Variants in SNTG1 observed in about 807,000 individuals in gnomAD.
SNTG1 encodes the protein gamma-1-syntrophin.
Under a neutral mutation model 74.7 loss-of-function variants are expected in SNTG1, and 39 were observed. That is an observed-to-expected ratio of 0.52 (90% CI 0.40 to 0.68). The LOEUF (loss-of-function observed/expected upper bound fraction) is 0.68. Among genes scored for constraint, SNTG1 ranks in the 30% least tolerant of loss-of-function variants. SNTG1 has a pLI of 0.00. For missense variants in SNTG1, 685 were observed against 609.5 expected, an observed-to-expected ratio of 1.12 and a Z score of -1.30; for synonymous variants, 254 against 217.1, an observed-to-expected ratio of 1.17 and a Z score of -1.49.
At chr8:50,018,035 A>C (rs1816492545) in intron 1 of SNTG1, among the ~76,000 whole-genome samples, 1 of 151,992 alleles carries the variant, frequency 6.6e-6, no homozygotes. Context: ...AAATAAATAG[A>C]CAGAAAATCC....
intron 2 of SNTG1, among the ~76,000 whole-genome samples, chr8:50,393,602 T>C (rs2092690491): frequency 6.6e-6 from 1 of 152,338 alleles, no homozygotes; most frequent in East Asian, 1.9e-4. Flanking sequence ...TATTTAAATC[T>C]ACATTCATCA....
intron 1 of SNTG1, among the ~76,000 whole-genome samples, chr8:49,943,629 T>C (rs1308949198): frequency 6.6e-6 from 1 of 152,256 alleles, no homozygotes; most frequent in African/African-American, 2.4e-5. Flanking sequence ...TCCTTGCCCT[T>C]CTGGCCCTAT....
intron 1 of SNTG1, among the ~76,000 whole-genome samples, chr8:50,044,180 C>T (rs190664702): frequency 6.6e-6 from 1 of 152,156 alleles, no homozygotes. Flanking sequence ...CAATTTTAAG[C>T]AAGTTAAATG....
At chr8:50,098,763 T>C (rs187221441) in intron 1 of SNTG1, among the ~76,000 whole-genome samples, 135 of 152,314 alleles carry the variant, frequency 8.9e-4, no homozygotes, top group Non-Finnish European at 1.6e-3. Flanking sequence ...CATATAATTT[T>C]GCAAGTGATT....
At chr8:49,973,765 AG>A (rs1235092570) in intron 1 of SNTG1, among the ~76,000 whole-genome samples, 5 of 152,234 alleles carry the variant, frequency 3.3e-5, no homozygotes, top group Admixed American at 3.3e-4. Flanking sequence ...AGGTCAAGAA[AG>A]GAATATTTGG....
At chr8:50,313,073 C>A (rs1348396633) in intron 2 of SNTG1, among the ~76,000 whole-genome samples, 1 of 149,734 alleles carries the variant, frequency 6.7e-6, no homozygotes, top group African/African-American at 2.5e-5. Context: ...AAAGGACAGT[C>A]TCTGCAATAG....
Position 50,649,075 on chromosome 8 carries a change from G to A in SNTG1, c.850-7834G>A, listed in dbSNP as rs926180942. On this transcript the variant is annotated intron_variant, in intron 13 of 18. Transcript: ENST00000642720. ...TAATAATTGTACTTACTCTATACTC[G>A]TACTATAACACAGCATGTTACTGTA... Among the ~76,000 whole-genome samples, 4 of 151,840 alleles carry A rather than the reference G, an allele frequency of 2.6e-5. 1 individual carries two copies. Among genetic ancestry groups the A allele is most frequent in the South Asian group, 2.1e-4 (1 of 4,820 alleles).
At chr8:50,096,982 T>G (rs906657539) in intron 1 of SNTG1, among the ~76,000 whole-genome samples, 1 of 152,070 alleles carries the variant, frequency 6.6e-6, no homozygotes, top group African/African-American at 2.4e-5. Flanking sequence ...ATTATTATTA[T>G]TTTTTGAGAT....
chr8:50,178,089 C>G (rs150842540), intron 2 of SNTG1, among the ~76,000 whole-genome samples: 2 of 152,020 alleles, frequency 1.3e-5, no homozygotes, highest in East Asian at 3.9e-4. Context: ...TGGTATACTC[C>G]GATTTATTTA....
Position 50,253,904 on chromosome 8 carries a change from AG to A in SNTG1, c.-28+81272del, listed in dbSNP as rs138870738. The stretch of plus-strand genomic sequence containing the variant: ...AAGCAGGGAGTAAAGCGAGGGGAGT[AG>A]GGAGGGAAAGATGGAGAGAGGTTGG... On this transcript the variant is annotated intron_variant, in intron 2 of 18. Coordinates refer to ENST00000642720, the MANE Select transcript of SNTG1 (RefSeq NM_018967.5). Among the ~76,000 whole-genome samples, 432 of 152,142 alleles carry A rather than the reference AG, an allele frequency of 2.8e-3. 9 individuals are homozygous for A. In the East Asian group the frequency reaches 0.05, roughly 17 times the overall value.
At chr8:50,456,248 C>A (rs200822118) in intron 8 of SNTG1, among the ~76,000 whole-genome samples, 1 of 152,152 alleles carries the variant, frequency 6.6e-6, no homozygotes, top group African/African-American at 2.4e-5. Context: ...CTTATCAAAT[C>A]TTTATTTGTC....
intron 1 of SNTG1, among the ~76,000 whole-genome samples, chr8:50,106,096 C>G (rs1169460538): frequency 2.0e-5 from 3 of 152,104 alleles, no homozygotes; most frequent in African/African-American, 7.2e-5. Flanking sequence ...CTATAAATAA[C>G]TACCTGGGAC....
chr8:50,513,081 C>T lies in SNTG1; in HGVS notation c.466+10201C>T, dbSNP rs191256398. On this transcript the variant is annotated intron_variant, in intron 9 of 18. Coordinates refer to ENST00000642720, the MANE Select transcript of SNTG1 (RefSeq NM_018967.5). ...TTTGGTCTTTGATGATGGTGATGTA[C>T]AGATGGGGTTTTGGTGTGGATGTCC... is the stretch of plus-strand genomic sequence containing the variant. 1.5e-3 allele frequency among the ~76,000 whole-genome samples: 234 copies of T among 152,220 alleles called. 1 individual carries two copies. The highest frequency in any genetic ancestry group is 5.4e-3 in the African/African-American group (225 of 41,534).
intron 1 of SNTG1, among the ~76,000 whole-genome samples, chr8:50,009,815 T>A (rs1256452663): frequency 6.6e-6 from 1 of 152,096 alleles, no homozygotes; most frequent in African/African-American, 2.4e-5. Context: ...CTGGGAAACA[T>A]GGCAAAACCC....
At chr8:50,689,857 G>A (rs7832197) in intron 15 of SNTG1, among the ~76,000 whole-genome samples, 6,038 of 152,186 alleles carry the variant, frequency 0.04, 330 homozygotes, top group South Asian at 0.12. Context: ...GGTAGAATAC[G>A]GCTGTGAATC....
At chr8:50,741,315 G>T (rs1014895085) in intron 17 of SNTG1, among the ~76,000 whole-genome samples, 2 of 151,916 alleles carry the variant, frequency 1.3e-5, no homozygotes, top group South Asian at 4.1e-4. Context: ...TAGAGATGGG[G>T]TTTCGCCATG....
intron 1 of SNTG1, among the ~76,000 whole-genome samples, chr8:50,116,895 G>T (rs754560808): frequency 6.6e-6 from 1 of 152,002 alleles, no homozygotes; most frequent in Non-Finnish European, 1.5e-5. Flanking sequence ...CTTCAGAACT[G>T]CAAAGGAGTC....
At chr8:50,699,070 T>C (rs564518363) in intron 15 of SNTG1, among the ~76,000 whole-genome samples, 1 of 152,266 alleles carries the variant, frequency 6.6e-6, no homozygotes, top group Non-Finnish European at 1.5e-5. Flanking sequence ...CTTAATCAAT[T>C]AGAGATTTAT....
chr8:50,579,385 C>A (rs1418385440), intron 12 of SNTG1, among the ~76,000 whole-genome samples: 1 of 152,122 alleles, frequency 6.6e-6, no homozygotes, highest in Non-Finnish European at 1.5e-5. Context: ...AAGAGAACCC[C>A]GTTTTCTAGG....
Sources: allele counts gnomAD v4.1 joint callset (sites outside exome capture counted in the v4.1 genomes callset), GRCh38; gene constraint gnomAD v4.1.1; transcripts MANE v1.5; gene names NCBI Gene and HGNC (gene_info 2026-07-23, HGNC 2026-07-21).